Variants in SLC23A3 observed in about 807,000 individuals in gnomAD.
SLC23A3 encodes the protein E2-binding protein 3.
A neutral mutation model predicts 64.7 loss-of-function variants in SLC23A3; 41 were observed. That is an observed-to-expected ratio of 0.63 (90% CI 0.49 to 0.82). The LOEUF is 0.82. SLC23A3 is among the 40% of genes least tolerant of loss of function. The pLI is 0.00. For missense variants in SLC23A3, 647 were observed against 733.4 expected (o/e 0.88, Z 1.36); for synonymous variants, 281 against 306.8 (o/e 0.92, Z 0.88).
In SLC23A3 at chr2:219,168,848, GA is replaced by G. The variant is rs1385805995; in HGVS notation, c.493-16del. 1 of 1,570,180 alleles carries G rather than the reference GA, an allele frequency of 6.4e-7. No homozygotes were observed. Among genetic ancestry groups the G allele is most frequent in the African/African-American group, 1.4e-5 (1 of 73,478 alleles). ...GCCCCGGACACCTGGTAGAAGAGAG[GA>G]GAGGATGGAGAGAAAACATTCTGCT... On this transcript the variant is annotated splice_polypyrimidine_tract_variant and intron_variant, in intron 4 of 11. Transcript: ENST00000409878.
chr2:219,168,508 A>C, intron 5 of SLC23A3, 144 bp downstream of exon 5: 3 of 1,114,974 alleles, frequency 2.7e-6, no homozygotes, highest in Non-Finnish European at 3.8e-6. Context: ...CAGATGAATC[A>C]AGGAAAAGTC....
Position 219,163,404 on chromosome 2 carries a change from T to C in SLC23A3, c.1425A>G (p.Pro475=), listed in dbSNP as rs778491520. The C allele has an allele frequency of 6.2e-7, 1 of 1,614,222 alleles. No homozygotes were observed. The highest frequency in any genetic ancestry group is 1.1e-5 in the South Asian group (1 of 91,086). ...LLLPRWFREA[P]VLFSTGWSPL... is the part of the protein sequence containing the mutation. ...TCCACCTACCTGTGCTGAACAGGAC[T>C]GGGGCTTCCCGAAACCATCTTGGCA... The change falls in exon 10 of 12, where the codon CCA becomes CCG. Residue 475 remains proline (P), a synonymous_variant. Transcript: ENST00000409878.
intron 7 of SLC23A3, 62 bp downstream of exon 7, chr2:219,167,868 C>T: frequency 8.0e-7 from 1 of 1,254,090 alleles, no homozygotes; most frequent in East Asian, 2.4e-5. Context: ...CCATTAAGTT[C>T]TTTGAGTTCA....
At position 219,169,972 on chromosome 2, in the gene SLC23A3, G is replaced by C; in HGVS notation, c.13C>G (p.Pro5Ala). Reference sequence around the variant, plus strand: ...GATCGGAGTTGGCTGGGATTGAGGGGTGATCGGCTCATGCTGCCTTGCCTT... The same window carrying C: ...GATCGGAGTTGGCTGGGATTGAGGGCTGATCGGCTCATGCTGCCTTGCCTT... MSRSPLNPSQLRSVG... is the reference protein window; with the variant it reads MSRSALNPSQLRSVG... The change falls in exon 1 of 12, where the codon CCC (proline) becomes GCC (alanine). Residue 5 changes from proline (P) to alanine (A), a missense_variant. By Grantham distance (27) the Pro-to-Ala change is conservative. Transcript: ENST00000409878. This position sits in a 1 kb window ranked among gnomAD's most constrained non-coding sequence, Gnocchi z 4.5. The C allele has an allele frequency of 1.2e-6, 2 of 1,613,980 alleles. No individual in the cohort carries two copies. Among genetic ancestry groups the C allele is most frequent in the Non-Finnish European group, 1.7e-6 (2 of 1,179,980 alleles).
chr2:219,163,555 C>T lies in SLC23A3; in HGVS notation c.1274G>A (p.Gly425Asp), dbSNP rs756804557. Reference sequence around the variant, plus strand: ...AGCCTGGGTCACCCCCAGCACCCCACCTGTCTCATACAGAAGAAATCAAGG... The same window carrying T: ...AGCCTGGGTCACCCCCAGCACCCCATCTGTCTCATACAGAAGAAATCAAGG... ...LLTTIPLPVVGGVLGVTQAVV... is the reference protein window; with the variant it reads ...LLTTIPLPVVDGVLGVTQAVV... Residue 425 changes from glycine to aspartate, a missense_variant and splice_region_variant, in exon 10 of 12, where the codon GGT becomes GAT. Physicochemically the swap from Gly to Asp is moderately conservative, Grantham distance 94. Transcript: ENST00000409878. 14 of 1,614,020 alleles carry T rather than the reference C, an allele frequency of 8.7e-6. No individual in the cohort carries two copies. The Admixed American group carries it at 2.2e-4, about 25-fold the overall frequency.
Position 219,162,195 on chromosome 2 carries a change from A to T in SLC23A3, c.1547T>A (p.Leu516His). The change falls in exon 12 of 12, where the codon CTT (leucine) becomes CAT (histidine). Residue 516 changes from leucine to histidine, a missense_variant. By Grantham distance (99) the Leu-to-His change is moderately conservative. Coordinates refer to ENST00000409878, the MANE Select transcript of SLC23A3 (RefSeq NM_001144889.2). Reference sequence around the variant, plus strand: ...TAGCCCTTGACCTAGGCCTCGCTCAAGCTGTGTGCCTGCAAAAGAGAGGTT... The same window carrying T: ...TAGCCCTTGACCTAGGCCTCGCTCATGCTGTGTGCCTGCAAAAGAGAGGTT... ...LLENTIPGTQLERGLGQGLPS... is the reference protein window; with the variant it reads ...LLENTIPGTQHERGLGQGLPS... The T allele has an allele frequency of 4.3e-6, 7 of 1,610,856 alleles. No homozygotes were observed. Among genetic ancestry groups the T allele is most frequent in the Non-Finnish European group, 5.9e-6 (7 of 1,177,634 alleles).
chr2:219,164,947 T>C, intron 8 of SLC23A3: 1 of 579,582 alleles, frequency 1.7e-6, no homozygotes, highest in South Asian at 2.5e-5. Context: ...TGTGACTGGT[T>C]CTTTGCCCTA....
intron 5 of SLC23A3, 94 bp from the exon 6 acceptor site, chr2:219,168,412 G>T (rs1950025689): frequency 1.4e-6 from 2 of 1,395,524 alleles, no homozygotes; most frequent in Non-Finnish European, 1.9e-6. Flanking sequence ...AAGAGCGGGG[G>T]GTGATACCAG....
chr2:219,167,938 G>A lies in SLC23A3; in HGVS notation c.905C>T (p.Pro302Leu), dbSNP rs753101517. 2 of 1,582,118 alleles carry A rather than the reference G, an allele frequency of 1.3e-6. No homozygotes were observed. Among genetic ancestry groups the A allele is most frequent in the East Asian group, 2.3e-5 (1 of 44,368 alleles). Reference sequence around the variant, plus strand: ...ACTAGGAGAAAACCTACCTGGGTGAGGCAGCCAAATCCATGGTGCCTTGGT... The same window carrying A: ...ACTAGGAGAAAACCTACCTGGGTGAAGCAGCCAAATCCATGGTGCCTTGGT... The part of the protein sequence containing the change: ...APTKAPWIWL[P>L]HPGEWNWPLL... The change falls in exon 7 of 12, where the codon CCT becomes CTT. Residue 302 changes from proline to leucine, a missense_variant. Coordinates refer to ENST00000409878, the MANE Select transcript of SLC23A3 (RefSeq NM_001144889.2).
At position 219,169,814 on chromosome 2, in the gene SLC23A3, G is replaced by A; in HGVS notation, c.162+9C>T. On this transcript the variant is annotated intron_variant, in intron 1 of 11. Coordinates refer to ENST00000409878, the MANE Select transcript of SLC23A3 (RefSeq NM_001144889.2). The surrounding 1 kb of genome is among the most constrained non-coding windows in gnomAD (Gnocchi z 4.5). ...AGGCAGCACCAACTCCTGCACCTCTGCCTCCTACCTGCAGAGCCAGAAGAC... is the reference window on the plus strand; with the variant it reads ...AGGCAGCACCAACTCCTGCACCTCTACCTCCTACCTGCAGAGCCAGAAGAC... The A allele has an allele frequency of 1.2e-6, 2 of 1,613,800 alleles. No homozygotes were observed. The highest frequency in any genetic ancestry group is 1.1e-5 in the South Asian group (1 of 91,082).
rs761106625 is a variant in SLC23A3 at position 219,163,478 on chromosome 2, CAGA to C, written c.1348_1350del (p.Ser450del). Reference sequence around the variant, plus strand: ...AAGCCCACAATGAAGATATTTCGCCCAGAGTCTATGTCAGCCAGGTAGAAGCTG... The same window carrying C: ...AAGCCCACAATGAAGATATTTCGCCCGTCTATGTCAGCCAGGTAGAAGCTG... On this transcript the variant is annotated inframe_deletion, in exon 10 of 12. Coordinates refer to ENST00000409878, the MANE Select transcript of SLC23A3 (RefSeq NM_001144889.2). The C allele has an allele frequency of 8.7e-6, 14 of 1,614,158 alleles. No individual in the cohort carries two copies. Among genetic ancestry groups the C allele is most frequent in the Middle Eastern group, 1.6e-4 (1 of 6,062 alleles).
Position 219,169,980 on chromosome 2 carries a change from C to T in SLC23A3, c.5G>A (p.Ser2Asn). The T allele has an allele frequency of 6.2e-7, 1 of 1,613,726 alleles. No homozygotes were observed. The change falls in exon 1 of 12, where the codon AGC becomes AAC. Residue 2 changes from serine to asparagine, a missense_variant. Ser to Asn is a conservative substitution (Grantham distance 46). Coordinates refer to ENST00000409878, the MANE Select transcript of SLC23A3 (RefSeq NM_001144889.2). This position sits in a 1 kb window ranked among gnomAD's most constrained non-coding sequence, Gnocchi z 4.5. ...TTGGCTGGGATTGAGGGGTGATCGG[C>T]TCATGCTGCCTTGCCTTTCGCTTTG... The part of the protein sequence containing the change: M[S>N]RSPLNPSQLR...
At position 219,167,926 on chromosome 2, in the gene SLC23A3, C is replaced by A; in HGVS notation, c.913+4G>T. On this transcript the variant is annotated splice_donor_region_variant and intron_variant, in intron 7 of 11. Transcript: ENST00000409878. ...AGAGAATGGAGGACTAGGAGAAAAC[C>A]TACCTGGGTGAGGCAGCCAAATCCA... The A allele has an allele frequency of 1.3e-6, 2 of 1,578,810 alleles. No individual in the cohort carries two copies. The highest frequency in any genetic ancestry group is 2.3e-5 in the East Asian group (1 of 44,182).
intron 7 of SLC23A3, among the ~76,000 whole-genome samples, chr2:219,165,926 G>A (rs893231644): frequency 6.6e-6 from 1 of 152,152 alleles, no homozygotes; most frequent in Non-Finnish European, 1.5e-5. Context: ...CTGAGGTCAG[G>A]AGTTTGTGAC....
At position 219,169,300 on chromosome 2, in the gene SLC23A3, T is replaced by C. The variant is rs1408088615; in HGVS notation, c.418+9A>G. The C allele has an allele frequency of 1.2e-5, 19 of 1,614,218 alleles. No individual in the cohort carries two copies. Among genetic ancestry groups the C allele is most frequent in the Non-Finnish European group, 1.5e-5 (18 of 1,180,032 alleles). On this transcript the variant is annotated intron_variant, in intron 3 of 11. Transcript: ENST00000409878. This position sits in a 1 kb window ranked among gnomAD's most constrained non-coding sequence, Gnocchi z 4.5. ...CCACCCTTACCCCTTGCCCTTGCTC[T>C]GTGCTCACAGTTTCCAGGTGTCTGG...
chr2:219,166,143 A>AT (rs1950003525), intron 7 of SLC23A3, among the ~76,000 whole-genome samples: 1 of 152,144 alleles, frequency 6.6e-6, no homozygotes, highest in African/African-American at 2.4e-5. Flanking sequence ...AAAAAAAAAA[A>AT]AAAAATTTAC....
intron 9 of SLC23A3, 123 bp from the exon 10 acceptor site, chr2:219,163,678 T>G (rs548641346): frequency 6.9e-5 from 71 of 1,026,828 alleles, no homozygotes; most frequent in East Asian, 6.0e-4. Flanking sequence ...ATGATTTTTG[T>G]TTTTTTTGTT....
chr2:219,166,053 A>T (rs1381731198), intron 7 of SLC23A3, among the ~76,000 whole-genome samples: 3 of 152,012 alleles, frequency 2.0e-5, no homozygotes, highest in African/African-American at 7.3e-5. Context: ...GAATCACTTG[A>T]ACCCGGAAGG....
In SLC23A3 at chr2:219,164,550, C is replaced by T. The variant is rs576865985; in HGVS notation, c.1168-212G>A. ...TTATTGCCTTCTGAAATTTTCTTCA[C>T]TTTTCTTTTTTTAATTTTTAATTTT... On this transcript the variant is annotated intron_variant, in intron 8 of 11. Transcript: ENST00000409878. The T allele has an allele frequency of 6.2e-6, 3 of 485,734 alleles. No individual in the cohort carries two copies. In the South Asian group the frequency reaches 1.0e-4, roughly 16 times the overall value. 30.1% of individuals were successfully genotyped at this position (485,734 alleles called of 1,614,324 possible).
Sources: gnomAD v4.1 joint callset for allele counts (sites outside exome capture counted in the v4.1 genomes callset) on GRCh38, gnomAD v4.1.1 for gene constraint, Gnocchi (gnomAD v3.1) non-coding constraint, MANE v1.5 for transcripts, NCBI Gene and HGNC (gene_info 2026-07-23, HGNC 2026-07-21) for gene names.